Variants in ROBO2 observed in about 807,000 individuals in gnomAD.
ROBO2 encodes roundabout homolog 2.
A neutral mutation model predicts 160.8 loss-of-function variants in ROBO2; 53 were observed. The ratio of observed to expected loss-of-function variants is 0.33; its 90% CI spans 0.26 to 0.41. The LOEUF (loss-of-function observed/expected upper bound fraction) is 0.41, where lower values mean the gene tolerates loss of function less well. Among genes scored for constraint, ROBO2 ranks in the 10% least tolerant of loss-of-function variants. The pLI, the probability that ROBO2 is intolerant of heterozygous loss-of-function variation, is 1.00. For missense variants in ROBO2, 1,577 were observed against 1,722.4 expected (o/e 0.92, Z 1.49); for synonymous variants, 664 against 611.7 (o/e 1.09, Z -1.26).
chr3:75,969,403 C>T (rs1214023459), intron 2 of ROBO2, among the ~76,000 whole-genome samples: 1 of 151,168 alleles, frequency 6.6e-6, no homozygotes, highest in Non-Finnish European at 1.5e-5. Flanking sequence ...CTTTCATATA[C>T]TGATTTCAGT....
intron 2 of ROBO2, among the ~76,000 whole-genome samples, chr3:76,603,746 T>C (rs1240291181): frequency 2.0e-5 from 3 of 152,094 alleles, no homozygotes; most frequent in East Asian, 3.9e-4. Flanking sequence ...TAGAATTCCA[T>C]GTCTAGAGAG....
intron 1 of ROBO2, among the ~76,000 whole-genome samples, chr3:77,090,323 CTTTTTT>C (rs542280937): frequency 1.4e-5 from 1 of 70,754 alleles, no homozygotes; most frequent in Non-Finnish European, 2.7e-5. Flanking sequence ...CTAAACCACT[CTTTTTT>C]TTTTTTTTTT....
At chr3:77,009,993 T>C (rs1263804852) in intron 2 of ROBO2, among the ~76,000 whole-genome samples, 1 of 150,466 alleles carries the variant, frequency 6.6e-6, no homozygotes, top group African/African-American at 2.4e-5. Flanking sequence ...AAGTTAGACC[T>C]TGTTTTATAG....
intron 2 of ROBO2, among the ~76,000 whole-genome samples, chr3:76,378,663 G>A (rs1015895801): frequency 3.3e-5 from 5 of 152,266 alleles, no homozygotes; most frequent in East Asian, 1.9e-4. Context: ...TAGAATCACA[G>A]GGAGCAAAGC....
chr3:77,412,672 T>C (rs536253543), intron 2 of ROBO2, among the ~76,000 whole-genome samples: 5 of 152,292 alleles, frequency 3.3e-5, no homozygotes, highest in South Asian at 2.1e-4. Context: ...GATCTGAAAG[T>C]CTTTGCAAAG....
In ROBO2 at chr3:75,916,114, G is replaced by A. The variant is rs183426086; in HGVS notation, c.-14+9154G>A. On this transcript the variant is annotated intron_variant, in intron 1 of 26. Transcript: ENST00000487694. Reference sequence around the variant, plus strand: ...CACATTGATTAATCACCACTAAAGCGGTACATGAAATATTTGGCAATATAG... The same window carrying A: ...CACATTGATTAATCACCACTAAAGCAGTACATGAAATATTTGGCAATATAG... 2.9e-3 allele frequency among the ~76,000 whole-genome samples: 442 copies of A among 152,118 alleles called. 5 individuals are homozygous for A. Among genetic ancestry groups the A allele is most frequent in the Non-Finnish European group, 4.1e-3 (276 of 67,988 alleles).
chr3:76,773,252 A>T (rs918035001), intron 2 of ROBO2, among the ~76,000 whole-genome samples: 4 of 150,840 alleles, frequency 2.7e-5, no homozygotes, highest in Non-Finnish European at 6.0e-5. Flanking sequence ...GAAAGTTTAA[A>T]GTCTGATTAC....
intron 2 of ROBO2, among the ~76,000 whole-genome samples, chr3:76,617,972 C>T (rs1560243050): frequency 6.6e-6 from 1 of 151,578 alleles, no homozygotes; most frequent in African/African-American, 2.4e-5. Context: ...AACTACAATT[C>T]AAGATAAGAT....
Position 76,458,620 on chromosome 3 carries a change from G to A in ROBO2, c.109+521018G>A, listed in dbSNP as rs149282472. On this transcript the variant is annotated intron_variant, in intron 2 of 26. Transcript: ENST00000487694. The stretch of plus-strand genomic sequence containing the variant: ...CCCACTCTACTGATACCAATTTACC[G>A]TATTATTCTGTTTTCACGCTGCTGA... 2.3e-3 allele frequency among the ~76,000 whole-genome samples: 353 copies of A among 152,160 alleles called. 1 individual carries two copies. In the East Asian group the frequency reaches 0.035, roughly 15 times the overall value.
intron 2 of ROBO2, among the ~76,000 whole-genome samples, chr3:76,642,412 G>A (rs985834965): frequency 7.2e-6 from 1 of 139,668 alleles, no homozygotes; most frequent in African/African-American, 2.7e-5. Flanking sequence ...GAGTGTAATG[G>A]CGTGATCTCA....
chr3:76,557,803 C>T (rs527665087), intron 2 of ROBO2, among the ~76,000 whole-genome samples: 74 of 151,282 alleles, frequency 4.9e-4, no homozygotes, highest in African/African-American at 1.6e-3. Context: ...CTTTTCTTAC[C>T]GAGTTCCTGG....
intron 2 of ROBO2, among the ~76,000 whole-genome samples, chr3:77,456,410 A>C (rs2153566910): frequency 6.6e-6 from 1 of 152,328 alleles, no homozygotes; most frequent in African/African-American, 2.4e-5. Context: ...GGAACTGTTA[A>C]GGAAACATTT....
chr3:76,951,941 G>A (rs561231122), intron 2 of ROBO2, among the ~76,000 whole-genome samples: 4 of 152,306 alleles, frequency 2.6e-5, no homozygotes, highest in African/African-American at 9.6e-5. Flanking sequence ...AGTTTTCAGG[G>A]AGAGCCCTTC....
chr3:76,460,338 C>T (rs1227903609), intron 2 of ROBO2, among the ~76,000 whole-genome samples: 1 of 152,106 alleles, frequency 6.6e-6, no homozygotes, highest in African/African-American at 2.4e-5. Context: ...GAAGCATGAT[C>T]ATTTCAAAAT....
At chr3:76,867,882 CT>C (rs1203341484) in intron 2 of ROBO2, among the ~76,000 whole-genome samples, 1 of 152,148 alleles carries the variant, frequency 6.6e-6, no homozygotes, top group Non-Finnish European at 1.5e-5. Flanking sequence ...ACCAGTAATA[CT>C]TGAGGCAAAT....
In ROBO2 at chr3:76,751,019, G is replaced by A. The variant is rs550141128; in HGVS notation, c.110-346995G>A. 7.0e-4 allele frequency among the ~76,000 whole-genome samples: 107 copies of A among 152,190 alleles called. 1 individual carries two copies. Among genetic ancestry groups the A allele is most frequent in the African/African-American group, 2.4e-3 (101 of 41,520 alleles). On this transcript the variant is annotated intron_variant, in intron 2 of 26. Coordinates refer to the ROBO2 transcript ENST00000487694. ...CCTAAGCCAAAAGAACAAAGCTGGAGGCATCACGCTACCTGACTTCAAACT... is the reference window on the plus strand; with the variant it reads ...CCTAAGCCAAAAGAACAAAGCTGGAAGCATCACGCTACCTGACTTCAAACT...
intron 2 of ROBO2, among the ~76,000 whole-genome samples, chr3:75,946,110 T>C (rs1948281262): frequency 6.6e-6 from 1 of 152,092 alleles, no homozygotes; most frequent in Non-Finnish European, 1.5e-5. Context: ...CGTATGCTGC[T>C]TTACTTTAAT....
chr3:75,919,752 G>A (rs1188764007), intron 1 of ROBO2, among the ~76,000 whole-genome samples: 1 of 152,022 alleles, frequency 6.6e-6, no homozygotes. Context: ...ACTTCTTCCT[G>A]GTTTAGTCTT....
At chr3:77,168,625 A>G (rs2079330237) in intron 2 of ROBO2, among the ~76,000 whole-genome samples, 1 of 152,194 alleles carries the variant, frequency 6.6e-6, no homozygotes, top group Non-Finnish European at 1.5e-5. Context: ...TTATACCTAT[A>G]GAGCAGATAC....
Sources: gnomAD v4.1 joint callset for allele counts (sites outside exome capture counted in the v4.1 genomes callset) on GRCh38, gnomAD v4.1.1 for gene constraint, MANE v1.5 for transcripts, NCBI Gene and HGNC (gene_info 2026-07-23, HGNC 2026-07-21) for gene names.